Variants in ACTN1 observed in about 807,000 individuals in gnomAD.
ACTN1 encodes actinin alpha 1, also known as alpha-actinin-1.
ACTN1 carries 30 observed loss-of-function variants against 119.6 expected under a neutral mutation model. The observed-to-expected ratio is 0.25, with a 90% CI of 0.19 to 0.34. The LOEUF (loss-of-function observed/expected upper bound fraction) is 0.34, where lower values mean the gene tolerates loss of function less well. ACTN1 is among the 10% of genes least tolerant of loss of function. The pLI, the probability that ACTN1 is intolerant of heterozygous loss-of-function variation, is 1.00. For missense variants in ACTN1, 764 were observed against 1,223.4 expected, an observed-to-expected ratio of 0.62 and a Z score of 5.60; for synonymous variants, 429 against 472.6, an observed-to-expected ratio of 0.91 and a Z score of 1.20.
chr14:68,916,966 G>T (rs937423185), intron 3 of ACTN1, among the ~76,000 whole-genome samples: 1 of 151,952 alleles, frequency 6.6e-6, no homozygotes, highest in Admixed American at 6.6e-5. Context: ...CAATGCTGTG[G>T]TATGGCACCC....
intron 8 of ACTN1, among the ~76,000 whole-genome samples, chr14:68,894,436 A>G (rs528755978): frequency 6.6e-6 from 1 of 152,290 alleles, no homozygotes; most frequent in South Asian, 2.1e-4. Flanking sequence ...CAGGGACCCA[A>G]GATGGCCTCA....
chr14:68,966,498 A>C (rs1291157052), intron 1 of ACTN1, among the ~76,000 whole-genome samples: 1 of 152,156 alleles, frequency 6.6e-6, no homozygotes, highest in East Asian at 1.9e-4. Context: ...CCCGGTACCT[A>C]ACACACAACC....
At chr14:68,915,056 G>C (rs1468810465) in intron 3 of ACTN1, among the ~76,000 whole-genome samples, 1 of 152,110 alleles carries the variant, frequency 6.6e-6, no homozygotes, top group Non-Finnish European at 1.5e-5. Flanking sequence ...TTGCTGCAAG[G>C]CTATTTATCA....
At chr14:68,907,512 G>A (rs1594795315) in intron 6 of ACTN1, among the ~76,000 whole-genome samples, 1 of 149,656 alleles carries the variant, frequency 6.7e-6, no homozygotes, top group Admixed American at 6.6e-5. Context: ...TGCAGTGAGT[G>A]GAGATCACGC....
chr14:68,975,172 C>T (rs540027868), intron 1 of ACTN1, among the ~76,000 whole-genome samples: 1 of 152,346 alleles, frequency 6.6e-6, no homozygotes, highest in South Asian at 2.1e-4. Context: ...CTAGCCTCAC[C>T]TGTCTGCAGA....
intron 4 of ACTN1, among the ~76,000 whole-genome samples, chr14:68,911,739 G>A (rs2034018610): frequency 6.6e-6 from 1 of 152,176 alleles, no homozygotes; most frequent in South Asian, 2.1e-4. Flanking sequence ...CACCTCTCCA[G>A]ACCATGGCGG....
intron 20 of ACTN1, chr14:68,877,759 A>G (rs2140046389): frequency 6.3e-6 from 1 of 157,786 alleles, no homozygotes; most frequent in East Asian, 1.9e-4. Context: ...TGTATTTTCT[A>G]CATGCCAGAT....
chr14:68,953,532 A>G (rs1161877811), intron 1 of ACTN1, among the ~76,000 whole-genome samples: 1 of 152,144 alleles, frequency 6.6e-6, no homozygotes, highest in Non-Finnish European at 1.5e-5. Context: ...CACACACTAA[A>G]GATGCTCAAA....
chr14:68,967,397 G>A (rs750976993), intron 1 of ACTN1, among the ~76,000 whole-genome samples: 7 of 152,168 alleles, frequency 4.6e-5, no homozygotes, highest in African/African-American at 1.2e-4. Flanking sequence ...AGCTTGATTC[G>A]TGCTTACCTG....
intron 21 of ACTN1, among the ~76,000 whole-genome samples, chr14:68,876,158 G>A (rs1160053212): frequency 2.0e-5 from 3 of 152,016 alleles, no homozygotes; most frequent in Non-Finnish European, 2.9e-5. Context: ...CACCACGCCC[G>A]GTTAATTTTT....
At position 68,885,186 on chromosome 14, in the gene ACTN1, C is replaced by T. The variant is rs1009665325; in HGVS notation, c.1385+239G>A. 2.0e-5 allele frequency among the ~76,000 whole-genome samples: 3 copies of T among 152,142 alleles called. No homozygotes were observed. The highest frequency in any genetic ancestry group is 4.8e-5 in the African/African-American group (2 of 41,434). On this transcript the variant is annotated intron_variant, in intron 12 of 21. Transcript: ENST00000394419. The surrounding 1 kb of genome is among the most constrained non-coding windows in gnomAD (Gnocchi z 5.6). ...AGCTCAGAACCAAGTCTTGGTCACC[C>T]TCTGCTCCTGTACTAGCTACAGGCG...
intron 1 of ACTN1, among the ~76,000 whole-genome samples, chr14:68,935,387 ATTTTTTTTTT>A (rs560204692): frequency 7.1e-5 from 4 of 56,396 alleles, no homozygotes; most frequent in African/African-American, 3.2e-4. Flanking sequence ...CTCTCTGTTC[ATTTTTTTTTT>A]TTTTTTTTTT....
intron 11 of ACTN1, chr14:68,886,523 T>C (rs1169656966): frequency 6.6e-6 from 1 of 152,262 alleles, no homozygotes; most frequent in African/African-American, 2.4e-5. Flanking sequence ...CCGGGCACGG[T>C]GGCTCACGCC....
chr14:68,902,373 T>A, intron 8 of ACTN1, 104 bp downstream of exon 8: 1 of 1,001,792 alleles, frequency 1.0e-6, no homozygotes, highest in Non-Finnish European at 1.6e-6. Flanking sequence ...GACCAGACCA[T>A]CCAGATACCT....
chr14:68,895,103 GCATGACC>G (rs2032776918), intron 8 of ACTN1, among the ~76,000 whole-genome samples: 1 of 152,102 alleles, frequency 6.6e-6, no homozygotes, highest in Non-Finnish European at 1.5e-5. Context: ...GTCAAGGGAG[GCATGACC>G]TGCAGAGCAA....
At chr14:68,921,587 C>G (rs896714587) in intron 2 of ACTN1, among the ~76,000 whole-genome samples, 3 of 152,122 alleles carry the variant, frequency 2.0e-5, no homozygotes, top group Admixed American at 6.5e-5. Flanking sequence ...GAAGGAGGAA[C>G]TGAGGAGTGG....
chr14:68,979,092 TC>T lies in ACTN1; in HGVS notation c.-37del. 7.4e-7 allele frequency: 1 copy of T among 1,349,926 alleles called. No homozygotes were observed. 83.6% of individuals were successfully genotyped at this position (1,349,926 alleles called of 1,614,324 possible). ...GCGTGCTAGGGTCTGGATTTCTTCC[TC>T]CACCTTCTCTCTGAGCAACGGCTGC... On this transcript the variant is annotated 5_prime_UTR_variant, in exon 1 of 22. Coordinates refer to ENST00000394419, the MANE Select transcript of ACTN1 (RefSeq NM_001130004.2).
intron 6 of ACTN1, among the ~76,000 whole-genome samples, chr14:68,908,087 G>A (rs2033778992): frequency 6.6e-6 from 1 of 151,604 alleles, no homozygotes; most frequent in African/African-American, 2.4e-5. Flanking sequence ...AGCTGGCGAA[G>A]GGCTGGCCCC....
Position 68,874,950 on chromosome 14 carries a change from C to T in ACTN1, c.2654G>A (p.Arg885Gln). 6.2e-7 allele frequency: 1 copy of T among 1,613,526 alleles called. No individual in the cohort carries two copies. Among genetic ancestry groups the T allele is most frequent in the Admixed American group, 1.7e-5 (1 of 60,018 alleles). Residue 885 changes from arginine (R) to glutamine (Q), a missense_variant, in exon 22 of 22, where the codon CGG (arginine) becomes CAG (glutamine). This residue lies in a region of ACTN1 where 102 missense variants were observed against 78.2 expected (regional missense o/e 1.30). Coordinates refer to ENST00000394419, the MANE Select transcript of ACTN1 (RefSeq NM_001130004.2). ...PPDQAEYCIA[R>Q]MAPYTGPDSV... ...GTCGGGGCCGGTGTAGGGGGCCATC[C>T]GCGCGATGCAGTACTCAGCCTGGTC... is the stretch of plus-strand genomic sequence containing the variant.
Sources: allele counts gnomAD v4.1 joint callset (sites outside exome capture counted in the v4.1 genomes callset), GRCh38; gene constraint gnomAD v4.1.1; regional missense constraint gnomAD v4.1.1; non-coding constraint Gnocchi (gnomAD v3.1); transcripts MANE v1.5; gene names NCBI Gene and HGNC (gene_info 2026-07-23, HGNC 2026-07-21).